FBXL17: variants seen among roughly 807,000 people sequenced by gnomAD.
The protein encoded by FBXL17 is F-box/LRR-repeat protein 17.
A neutral mutation model predicts 66.2 loss-of-function variants in FBXL17; 22 were observed. That is an observed-to-expected ratio of 0.33 (90% CI 0.24 to 0.47). The LOEUF (loss-of-function observed/expected upper bound fraction) is 0.47. FBXL17 is among the 20% of genes least tolerant of loss of function. The probability of loss-of-function intolerance (pLI) is 1.00; values close to 1 mark genes in which losing one functional copy is unlikely to be tolerated. For missense variants in FBXL17, 878 were observed against 948.2 expected (o/e 0.93, Z 0.97); for synonymous variants, 474 against 400.5 (o/e 1.18, Z -2.19).
intron 5 of FBXL17, among the ~76,000 whole-genome samples, chr5:108,210,007 C>T (rs1335817555): frequency 6.6e-6 from 1 of 152,130 alleles, no homozygotes; most frequent in Admixed American, 6.5e-5. Context: ...CTGGTTTATT[C>T]AGGAATTCAA....
At chr5:108,288,941 C>CA (rs372654503) in intron 4 of FBXL17, among the ~76,000 whole-genome samples, 6 of 152,090 alleles carry the variant, frequency 3.9e-5, no homozygotes, top group African/African-American at 1.4e-4. Flanking sequence ...GATGACATCT[C>CA]AAAAAATGTT....
intron 7 of FBXL17, among the ~76,000 whole-genome samples, chr5:108,001,196 T>C (rs1753709128): frequency 6.6e-6 from 1 of 152,106 alleles, no homozygotes; most frequent in Non-Finnish European, 1.5e-5. Flanking sequence ...TACATATACA[T>C]ATATATGTAA....
intron 7 of FBXL17, among the ~76,000 whole-genome samples, chr5:107,883,469 T>TG (rs71624888): frequency 2.7e-5 from 4 of 149,078 alleles, no homozygotes; most frequent in Non-Finnish European, 4.5e-5. Flanking sequence ...TGAGTGGAGG[T>TG]GGGGGGTGGG....
At chr5:108,217,506 G>C (rs1754658251) in intron 5 of FBXL17, among the ~76,000 whole-genome samples, 1 of 151,458 alleles carries the variant, frequency 6.6e-6, no homozygotes, top group Non-Finnish European at 1.5e-5. Flanking sequence ...GCTAGCTTTT[G>C]GTTTCATTAA....
At chr5:108,182,642 T>A (rs1328963564) in intron 6 of FBXL17, among the ~76,000 whole-genome samples, 1 of 152,132 alleles carries the variant, frequency 6.6e-6, no homozygotes, top group Non-Finnish European at 1.5e-5. Flanking sequence ...TGCAAATAAA[T>A]CTCTACAATA....
At chr5:108,071,326 A>G (rs897136368) in intron 6 of FBXL17, among the ~76,000 whole-genome samples, 1 of 152,244 alleles carries the variant, frequency 6.6e-6, no homozygotes, top group African/African-American at 2.4e-5. Flanking sequence ...ATCTGTAAAC[A>G]GTAACTATCT....
At chr5:107,915,561 T>C (rs1444599094) in intron 7 of FBXL17, among the ~76,000 whole-genome samples, 1 of 152,214 alleles carries the variant, frequency 6.6e-6, no homozygotes, top group Non-Finnish European at 1.5e-5. Flanking sequence ...AGTAATGAGA[T>C]GTTTTCCCCT....
chr5:108,260,536 C>T (rs1756769446), intron 4 of FBXL17, among the ~76,000 whole-genome samples: 1 of 152,106 alleles, frequency 6.6e-6, no homozygotes, highest in Non-Finnish European at 1.5e-5. Context: ...AACGGCAAAA[C>T]CATGCCAGGC....
At chr5:108,057,765 T>G (rs1747764999) in intron 6 of FBXL17, among the ~76,000 whole-genome samples, 1 of 152,194 alleles carries the variant, frequency 6.6e-6, no homozygotes, top group African/African-American at 2.4e-5. Context: ...AGCAATCCCA[T>G]TACAATAGCT....
chr5:108,108,596 A>T (rs1370479584), intron 6 of FBXL17, among the ~76,000 whole-genome samples: 3 of 152,078 alleles, frequency 2.0e-5, no homozygotes, highest in Non-Finnish European at 2.9e-5. Flanking sequence ...ATTACTAAAG[A>T]TTTCTTAATT....
At chr5:108,148,196 G>A (rs902404375) in intron 6 of FBXL17, among the ~76,000 whole-genome samples, 4 of 152,100 alleles carry the variant, frequency 2.6e-5, no homozygotes, top group South Asian at 2.1e-4. Context: ...AGTACATATT[G>A]ATTACCTATA....
At chr5:108,221,915 A>G (rs972711474) in intron 5 of FBXL17, among the ~76,000 whole-genome samples, 6 of 152,170 alleles carry the variant, frequency 3.9e-5, no homozygotes, top group African/African-American at 1.4e-4. Flanking sequence ...CCAGAAAACT[A>G]AGCAACATTC....
intron 4 of FBXL17, among the ~76,000 whole-genome samples, chr5:108,296,356 T>G (rs1046782177): frequency 6.6e-6 from 1 of 151,890 alleles, no homozygotes; most frequent in African/African-American, 2.4e-5. Flanking sequence ...ATATAAAAAA[T>G]CAGTGACTTT....
chr5:108,182,944 G>A (rs1405407784), intron 6 of FBXL17, among the ~76,000 whole-genome samples: 1 of 151,346 alleles, frequency 6.6e-6, no homozygotes, highest in East Asian at 1.9e-4. Context: ...ATCAATTATA[G>A]TATCTCCCAT....
At chr5:108,299,801 G>A (rs1206299508) in intron 4 of FBXL17, 2 of 984,868 alleles carry the variant, frequency 2.0e-6, no homozygotes, top group African/African-American at 1.7e-5. Context: ...ACTAAATAGC[G>A]TGGACACAAT....
chr5:108,265,302 T>G (rs1256750463), intron 4 of FBXL17, among the ~76,000 whole-genome samples: 1 of 152,102 alleles, frequency 6.6e-6, no homozygotes, highest in Non-Finnish European at 1.5e-5. Context: ...AAAATTCAAT[T>G]TGACATTTAA....
At chr5:108,372,857 T>C (rs116006481) in intron 1 of FBXL17, among the ~76,000 whole-genome samples, 1,721 of 152,254 alleles carry the variant, frequency 0.011, 47 homozygotes, top group African/African-American at 0.039. Context: ...TTGTTGGTAT[T>C]TACATAGGTA....
intron 6 of FBXL17, among the ~76,000 whole-genome samples, chr5:108,168,693 T>C (rs949002239): frequency 1.3e-5 from 2 of 152,042 alleles, no homozygotes; most frequent in East Asian, 1.9e-4. Context: ...AGAGTTGCGA[T>C]TTAGGATTTC....
intron 7 of FBXL17, among the ~76,000 whole-genome samples, chr5:107,943,905 G>C: frequency 6.6e-6 from 1 of 152,244 alleles, no homozygotes; most frequent in East Asian, 1.9e-4. Context: ...GTTACATTAG[G>C]TGGTGAGGTA....
Sources: allele counts gnomAD v4.1 joint callset (sites outside exome capture counted in the v4.1 genomes callset), GRCh38; gene constraint gnomAD v4.1.1; transcripts MANE v1.5; gene names NCBI Gene and HGNC (gene_info 2026-07-23, HGNC 2026-07-21).